Variants in GOT1L1 observed in about 807,000 individuals in gnomAD.
GOT1L1 encodes the protein glutamic-oxaloacetic transaminase 1 like 1.
A neutral mutation model predicts 43.6 loss-of-function variants in GOT1L1; 38 were observed. The observed-to-expected ratio is 0.87, with a 90% CI of 0.67 to 1.14. The LOEUF (loss-of-function observed/expected upper bound fraction) is 1.14. GOT1L1 is among the 50% of genes most tolerant of loss of function. The pLI, the probability that GOT1L1 is intolerant of heterozygous loss-of-function variation, is 0.00. For synonymous variants in GOT1L1, 183 were observed against 187.2 expected (o/e 0.98, Z 0.18); for missense variants, 482 against 504.0 (o/e 0.96, Z 0.42).
At chr8:37,934,921 G>C (rs909773341) in intron 8 of GOT1L1, 152 bp downstream of exon 8, 21 of 802,066 alleles carry the variant, frequency 2.6e-5, no homozygotes, top group African/African-American at 7.0e-5. Context: ...ACTTCTGGGG[G>C]TCCAGAAGTG....
intron 1 of GOT1L1, among the ~76,000 whole-genome samples, chr8:37,939,594 G>A (rs1563389887): frequency 6.6e-6 from 1 of 151,314 alleles, no homozygotes; most frequent in Non-Finnish European, 1.5e-5. Flanking sequence ...TCAAGAACAG[G>A]AAGAGAAAGA....
intron 6 of GOT1L1, among the ~76,000 whole-genome samples, 156 bp downstream of exon 6, chr8:37,936,564 C>T (rs1045346687): frequency 6.6e-6 from 1 of 151,836 alleles, no homozygotes; most frequent in Non-Finnish European, 1.5e-5. Context: ...AGTAACAGAA[C>T]CAAATTCTAG....
rs192452943 is a variant in GOT1L1, at chr8:37,935,589, G to A, written c.929+115C>T. 476 of 949,092 alleles carry A rather than the reference G, an allele frequency of 5.0e-4. 4 individuals carry two copies. In the East Asian group the frequency reaches 0.013, roughly 26 times the overall value. 58.8% of individuals were successfully genotyped at this position (949,092 alleles called of 1,614,324 possible). A position where few individuals can be genotyped will look rare whatever the true frequency, so the allele number is the denominator to read the frequency against. ...CTTAGTAAATGTTGATGAATGAATG[G>A]AGTAAAAAGGCCACATGGGCAGGAG... On this transcript the variant is annotated intron_variant, in intron 7 of 8. Coordinates refer to ENST00000307599, the MANE Select transcript of GOT1L1 (RefSeq NM_152413.3).
In GOT1L1 at chr8:37,939,958, G is replaced by T. The variant is rs1400006353; in HGVS notation, c.72C>A (p.Tyr24Ter). 1.1e-5 allele frequency: 18 copies of T among 1,613,480 alleles called. No homozygotes were observed. Among genetic ancestry groups the T allele is most frequent in the African/African-American group, 2.7e-5 (2 of 74,918 alleles). ...TCTTGTTCGGGTAATCATCTTGTTTGTAGGTCTTTAACAAGCTGCCCTCTA... is the reference window on the plus strand; with the variant it reads ...TCTTGTTCGGGTAATCATCTTGTTTTTAGGTCTTTAACAAGCTGCCCTCTA... ...HKLEGSLLKT[Y>*]KQDDYPNKIF... is the part of the protein sequence containing the mutation. The change falls in exon 1 of 9, where the codon TAC becomes TAA. Residue 24 changes from tyrosine to a stop codon, truncating the protein, a stop_gained. Coordinates refer to ENST00000307599, the MANE Select transcript of GOT1L1 (RefSeq NM_152413.3). LOFTEE classifies it high-confidence loss of function.
Position 37,937,250 on chromosome 8 carries a change from A to G in GOT1L1, c.519+27T>C, listed in dbSNP as rs1215162025. On this transcript the variant is annotated intron_variant, in intron 4 of 8. Coordinates refer to ENST00000307599, the MANE Select transcript of GOT1L1 (RefSeq NM_152413.3). ...ATTAGGCTGTAAGTCAGCTCTAGGG[A>G]GGAGTTTCTGAGCGGGGCCCCTCTA... 4.2e-6 allele frequency: 6 copies of G among 1,420,746 alleles called. No homozygotes were observed. The African/African-American group carries it at 5.7e-5, about 13-fold the overall frequency. 88.0% of individuals were successfully genotyped at this position (1,420,746 alleles called of 1,614,324 possible). A position where few individuals can be genotyped will look rare whatever the true frequency, so the allele number is the denominator to read the frequency against.
chr8:37,937,363 C>T lies in GOT1L1; in HGVS notation c.433G>A (p.Asp145Asn). Residue 145 changes from aspartate (D) to asparagine (N), a missense_variant, in exon 4 of 9, where the codon GAC (aspartate) becomes AAC (asparagine). Physicochemically the swap from Asp to Asn is conservative, Grantham distance 23. Transcript: ENST00000307599. ...TATTCATAAACTGTAAAGCCCATGTCCTGGAAGACGAGTCCATGCAGTTCT... is the reference window on the plus strand; with the variant it reads ...TATTCATAAACTGTAAAGCCCATGTTCTGGAAGACGAGTCCATGCAGTTCT... ...QKELHGLVFQ[D>N]MGFTVYEYSV... The T allele has an allele frequency of 6.2e-7, 1 of 1,605,690 alleles. No individual in the cohort carries two copies. Among genetic ancestry groups the T allele is most frequent in the South Asian group, 1.1e-5 (1 of 89,398 alleles).
At chr8:37,939,106 C>G (rs1022374987) in intron 1 of GOT1L1, 2 of 448,860 alleles carry the variant, frequency 4.5e-6, no homozygotes, top group Admixed American at 3.4e-5. Context: ...GAAACCTATG[C>G]CATTTTAAAG....
In GOT1L1 at chr8:37,937,651, G is replaced by C; in HGVS notation, c.396C>G (p.Ile132Met). 1 of 1,608,542 alleles carries C rather than the reference G, an allele frequency of 6.2e-7. No homozygotes were observed. The highest frequency in any genetic ancestry group is 8.5e-7 in the Non-Finnish European group (1 of 1,176,466). ...WHKDARIVYI[I>M]SSQKELHGLV... ...GGTAAGACTAACCTTTTTGAGAAGA[G>C]ATGATGTAAACTATACGAGCATCCT... Residue 132 changes from isoleucine to methionine, a missense_variant, in exon 3 of 9, where the codon ATC (isoleucine) becomes ATG (methionine). Coordinates refer to ENST00000307599, the MANE Select transcript of GOT1L1 (RefSeq NM_152413.3).
At chr8:37,938,168 C>T (rs1330872513) in intron 2 of GOT1L1, among the ~76,000 whole-genome samples, 1 of 152,218 alleles carries the variant, frequency 6.6e-6, no homozygotes, top group South Asian at 2.1e-4. Flanking sequence ...GAGGACGAGG[C>T]AGGGAATCCC....
rs552766479 is a variant in GOT1L1, at chr8:37,935,712, C to T, written c.921G>A (p.Leu307=). 5 of 1,582,372 alleles carry T rather than the reference C, an allele frequency of 3.2e-6. No homozygotes were observed. The East Asian group carries it at 1.2e-4, about 37-fold the overall frequency. The part of the protein sequence containing the change: ...ITSILCNPAL[L]GEWKQSLKEV... ...CCAGCCCTCACCCTTACCATTCTCC[C>T]AGCAGAGCAGGGTTGCAGAGGATGG... Residue 307 remains leucine (L), a synonymous_variant, in exon 7 of 9, where the codon CTG becomes CTA. Coordinates refer to ENST00000307599, the MANE Select transcript of GOT1L1 (RefSeq NM_152413.3).
At chr8:37,936,307 C>T (rs960533474) in intron 6 of GOT1L1, among the ~76,000 whole-genome samples, 1 of 151,468 alleles carries the variant, frequency 6.6e-6, no homozygotes, top group Non-Finnish European at 1.5e-5. Context: ...CCACCATGCC[C>T]GACTAATTTT....
intron 7 of GOT1L1, among the ~76,000 whole-genome samples, chr8:37,935,459 A>G (rs916302307): frequency 6.6e-6 from 1 of 152,178 alleles, no homozygotes; most frequent in Non-Finnish European, 1.5e-5. Flanking sequence ...AGCAATCTGG[A>G]AGAGTTCATA....
In GOT1L1 at chr8:37,937,424, A is replaced by T. The variant is rs375320348; in HGVS notation, c.410-38T>A. On this transcript the variant is annotated intron_variant, in intron 3 of 8. Transcript: ENST00000307599. ...AGCCCCCCACTAGCTGGTACATGGG[A>T]AACAGAGAGACGGAGACAGAGGTAC... is the stretch of plus-strand genomic sequence containing the variant. 2.9e-5 allele frequency: 40 copies of T among 1,371,784 alleles called. No individual in the cohort carries two copies. In the African/African-American group the frequency reaches 5.7e-4, roughly 20 times the overall value. 85.0% of individuals were successfully genotyped at this position (1,371,784 alleles called of 1,614,324 possible). A position where few individuals can be genotyped will look rare whatever the true frequency, so the allele number is the denominator to read the frequency against.
intron 1 of GOT1L1, among the ~76,000 whole-genome samples, chr8:37,939,577 T>C (rs1322428637): frequency 6.6e-6 from 1 of 150,700 alleles, no homozygotes; most frequent in African/African-American, 2.4e-5. Context: ...GGAGAACCAT[T>C]CTTGGTTCAA....
Position 37,937,264 on chromosome 8 carries a change from G to A in GOT1L1, c.519+13C>T, listed in dbSNP as rs533801133. ...CAGCTCTAGGGAGGAGTTTCTGAGC[G>A]GGGCCCCTCTACCTCCACCACATTG... On this transcript the variant is annotated intron_variant, in intron 4 of 8. Transcript: ENST00000307599. The A allele has an allele frequency of 1.7e-5, 26 of 1,547,426 alleles. No homozygotes were observed. Among genetic ancestry groups the A allele is most frequent in the East Asian group, 1.1e-4 (5 of 44,152 alleles).
chr8:37,938,092 A>G (rs893776330), intron 2 of GOT1L1, among the ~76,000 whole-genome samples: 4 of 151,938 alleles, frequency 2.6e-5, no homozygotes, highest in Non-Finnish European at 5.9e-5. Context: ...ATAGACAGAA[A>G]TAACACTCTA....
chr8:37,935,826 C>T lies in GOT1L1; in HGVS notation c.807G>A (p.Gln269=), dbSNP rs1807736497. 1 of 1,613,070 alleles carries T rather than the reference C, an allele frequency of 6.2e-7. No individual in the cohort carries two copies. The highest frequency in any genetic ancestry group is 1.3e-5 in the African/African-American group (1 of 75,016). ...GMLVVVAVNN[Q]QLLCVLSQLE... is the part of the protein sequence containing the mutation. Reference sequence around the variant, plus strand: ...GCTGGGAGAGGACACACAGCAGCTGCTGGTTGTTGACTGCCACCACCACTA... The same window carrying T: ...GCTGGGAGAGGACACACAGCAGCTGTTGGTTGTTGACTGCCACCACCACTA... The change falls in exon 7 of 9, where the codon CAG becomes CAA. Residue 269 remains glutamine, a synonymous_variant. Coordinates refer to ENST00000307599, the MANE Select transcript of GOT1L1 (RefSeq NM_152413.3).
intron 7 of GOT1L1, 49 bp from the exon 8 acceptor site, chr8:37,935,264 C>G: frequency 6.6e-7 from 1 of 1,519,444 alleles, no homozygotes; most frequent in Non-Finnish European, 8.9e-7. Context: ...CCCCCTTGCC[C>G]TCAAACCTCC....
At chr8:37,937,091 C>T (rs566534854) in intron 4 of GOT1L1, 34 bp from the exon 5 acceptor site, 43 of 1,598,888 alleles carry the variant, frequency 2.7e-5, no homozygotes, top group Non-Finnish European at 3.5e-5. Flanking sequence ...AGGCTTCACC[C>T]CCACCCAGGA....
Sources: allele counts gnomAD v4.1 joint callset (sites outside exome capture counted in the v4.1 genomes callset), GRCh38; gene constraint gnomAD v4.1.1; transcripts MANE v1.5; gene names NCBI Gene and HGNC (gene_info 2026-07-23, HGNC 2026-07-21).